ZSWIM5: variants seen among roughly 807,000 people sequenced by gnomAD.
The protein encoded by ZSWIM5 is zinc finger SWIM domain-containing protein 5.
In ZSWIM5, 55 loss-of-function variants were observed where a neutral mutation model predicts 119.6. The observed-to-expected ratio is 0.46, with a 90% CI of 0.37 to 0.58. ZSWIM5 has a LOEUF of 0.58. ZSWIM5 is among the 20% of genes least tolerant of loss of function. ZSWIM5 has a pLI of 0.00. For missense variants in ZSWIM5, 1,193 were observed against 1,512.8 expected (o/e 0.79, Z 3.51); for synonymous variants, 537 against 606.9 (o/e 0.88, Z 1.69).
At chr1:45,025,451 G>A (rs949668976) in intron 11 of ZSWIM5, among the ~76,000 whole-genome samples, 8 of 152,046 alleles carry the variant, frequency 5.3e-5, no homozygotes, top group African/African-American at 1.9e-4. Flanking sequence ...CCATGAACAT[G>A]GACCATTTCT....
intron 6 of ZSWIM5, among the ~76,000 whole-genome samples, chr1:45,041,753 G>T (rs1645019649): frequency 6.6e-6 from 1 of 152,098 alleles, no homozygotes; most frequent in African/African-American, 2.4e-5. Flanking sequence ...GGCCAGGCTG[G>T]TCTCAAACTC....
rs1295987433 is a variant in ZSWIM5 at position 45,205,948 on chromosome 1, C to T, written c.403G>A (p.Ala135Thr). Residue 135 changes from alanine (A) to threonine (T), a missense_variant, in exon 1 of 14, where the codon GCC becomes ACC. Coordinates refer to ENST00000359600, the MANE Select transcript of ZSWIM5 (RefSeq NM_020883.2). ...GGGGGTGGCTGCGGCCCCTCCTCGG[C>T]CGGCGAAGCCCCCGCGGCGCCGCCA... is the stretch of plus-strand genomic sequence containing the variant. ...AAGGAAGASP[A>T]EEGPQPPPGA... The T allele has an allele frequency of 6.7e-5, 85 of 1,261,070 alleles. No homozygotes were observed. The highest frequency in any genetic ancestry group is 8.2e-5 in the Non-Finnish European group (82 of 1,001,502). The allele number at this position is 1,261,070 out of a possible 1,614,324, so 78.1% of individuals were successfully genotyped here. A position where few individuals can be genotyped will look rare whatever the true frequency, so the allele number is the denominator to read the frequency against.
chr1:45,173,757 T>C (rs934004684), intron 1 of ZSWIM5, among the ~76,000 whole-genome samples: 2 of 152,140 alleles, frequency 1.3e-5, no homozygotes, highest in African/African-American at 4.8e-5. Flanking sequence ...GCCCAGCACT[T>C]TGTGTTAGCT....
intron 6 of ZSWIM5, among the ~76,000 whole-genome samples, chr1:45,041,248 C>T (rs1645016361): frequency 6.6e-6 from 1 of 152,014 alleles, no homozygotes; most frequent in African/African-American, 2.4e-5. Flanking sequence ...TGTTATGTGG[C>T]CTAAGATAGC....
intron 1 of ZSWIM5, among the ~76,000 whole-genome samples, chr1:45,168,490 TATA>T (rs1340604719): frequency 1.1e-4 from 17 of 150,668 alleles, no homozygotes; most frequent in African/African-American, 4.1e-4. Context: ...TAAATATATA[TATA>T]TTTTTTTTAA....
intron 1 of ZSWIM5, among the ~76,000 whole-genome samples, chr1:45,103,281 C>A (rs1016214856): frequency 4.6e-5 from 7 of 152,170 alleles, no homozygotes; most frequent in Admixed American, 2.6e-4. Flanking sequence ...GATATACTTA[C>A]TACATGACAG....
intron 1 of ZSWIM5, among the ~76,000 whole-genome samples, chr1:45,164,820 A>G (rs1411521613): frequency 1.3e-5 from 2 of 152,156 alleles, no homozygotes; most frequent in East Asian, 1.9e-4. Flanking sequence ...CATAAAGCAA[A>G]TCCTTAGAGA....
At chr1:45,089,287 T>C (rs1645350240) in intron 1 of ZSWIM5, among the ~76,000 whole-genome samples, 1 of 152,206 alleles carries the variant, frequency 6.6e-6, no homozygotes, top group South Asian at 2.1e-4. Context: ...TGGCTATTCT[T>C]TACTTTAAAT....
chr1:45,060,795 C>A (rs1000727903), intron 2 of ZSWIM5, among the ~76,000 whole-genome samples: 2 of 152,164 alleles, frequency 1.3e-5, no homozygotes, highest in African/African-American at 4.8e-5. Flanking sequence ...CCACCTCAGC[C>A]TCCCAAGTAG....
intron 1 of ZSWIM5, among the ~76,000 whole-genome samples, chr1:45,163,894 C>A (rs1483963608): frequency 1.3e-5 from 2 of 152,208 alleles, no homozygotes; most frequent in African/African-American, 2.4e-5. Flanking sequence ...GGAAAACACT[C>A]TTCAGGATGT....
intron 1 of ZSWIM5, among the ~76,000 whole-genome samples, chr1:45,149,923 C>G (rs190184750): frequency 9.1e-4 from 139 of 152,124 alleles, no homozygotes; most frequent in African/African-American, 3.2e-3. Context: ...ATAACTCCAG[C>G]TTTGGGAGGC....
At position 45,019,512 on chromosome 1, in the gene ZSWIM5, C is replaced by T. The variant is rs1644874995; in HGVS notation, c.2696-196G>A. ...CCCTGTTTGGGGTCTCTTCCTATCC[C>T]TTCTTTCCCCAGGTCAGAGAGTTGA... On this transcript the variant is annotated intron_variant, in intron 13 of 13. Transcript: ENST00000359600. The surrounding 1 kb of genome is among the most constrained non-coding windows in gnomAD (Gnocchi z 5.0). 6.6e-6 allele frequency among the ~76,000 whole-genome samples: 1 copy of T among 152,196 alleles called. No individual in the cohort carries two copies. Among genetic ancestry groups the T allele is most frequent in the Non-Finnish European group, 1.5e-5 (1 of 68,028 alleles).
At chr1:45,089,160 T>C (rs896054843) in intron 1 of ZSWIM5, among the ~76,000 whole-genome samples, 1 of 152,160 alleles carries the variant, frequency 6.6e-6, no homozygotes, top group African/African-American at 2.4e-5. Flanking sequence ...TTTGTATTTT[T>C]AGTGCAGACG....
chr1:45,063,945 G>A (rs372155819), intron 2 of ZSWIM5, among the ~76,000 whole-genome samples: 1 of 151,318 alleles, frequency 6.6e-6, no homozygotes, highest in East Asian at 1.9e-4. Flanking sequence ...TTGCGCCACT[G>A]CACTCCAGCT....
chr1:45,078,424 A>G (rs1645268114), intron 2 of ZSWIM5, among the ~76,000 whole-genome samples: 1 of 152,176 alleles, frequency 6.6e-6, no homozygotes, highest in Non-Finnish European at 1.5e-5. Flanking sequence ...TTGCAGACCC[A>G]TAGAGGTACT....
At chr1:45,094,860 CAA>C (rs542730310) in intron 1 of ZSWIM5, among the ~76,000 whole-genome samples, 21 of 103,556 alleles carry the variant, frequency 2.0e-4, no homozygotes, top group Admixed American at 4.0e-4. Flanking sequence ...ACAAGGCAAG[CAA>C]AAAAAAAAAA....
At chr1:45,035,604 A>G in intron 10 of ZSWIM5, 84 bp downstream of exon 10, 1 of 1,535,620 alleles carries the variant, frequency 6.5e-7, no homozygotes, top group Non-Finnish European at 8.8e-7. Flanking sequence ...GAGGGAAAGA[A>G]AAGAAAGTGA....
intron 3 of ZSWIM5, 40 bp from the exon 4 acceptor site, chr1:45,058,799 T>A: frequency 1.2e-6 from 2 of 1,609,142 alleles, no homozygotes; most frequent in Non-Finnish European, 1.7e-6. Flanking sequence ...TGATTGTGTA[T>A]CACAAAAAAG....
At chr1:45,098,929 GC>G (rs1373396588) in intron 1 of ZSWIM5, among the ~76,000 whole-genome samples, 1 of 152,176 alleles carries the variant, frequency 6.6e-6, no homozygotes, top group Non-Finnish European at 1.5e-5. Context: ...AGCACTAAAT[GC>G]CCACAAGAGA....
Sources: gnomAD v4.1 joint callset for allele counts (sites outside exome capture counted in the v4.1 genomes callset) on GRCh38, gnomAD v4.1.1 for gene constraint, Gnocchi (gnomAD v3.1) non-coding constraint, MANE v1.5 for transcripts, NCBI Gene and HGNC (gene_info 2026-07-23, HGNC 2026-07-21) for gene names.